Variants in RP1 observed in about 807,000 individuals in gnomAD.
The protein encoded by RP1 is oxygen-regulated protein 1.
In RP1, 16 loss-of-function variants were observed where a neutral mutation model predicts 14.8. That is an observed-to-expected ratio of 1.08 (90% confidence interval 0.73 to 1.65). The LOEUF (loss-of-function observed/expected upper bound fraction) is 1.65, where lower values mean the gene tolerates loss of function less well. Ranked by LOEUF, RP1 falls within the 40% of genes most tolerant of loss-of-function variation. The pLI, the probability that RP1 is intolerant of heterozygous loss-of-function variation, is 0.00. For missense variants in RP1, 2,631 were observed against 2,535.0 expected, an observed-to-expected ratio of 1.04 and a Z score of -0.81; for synonymous variants, 876 against 883.6, an observed-to-expected ratio of 0.99 and a Z score of 0.15.
At chr8:54,726,775 G>A (rs1380309095) in intron 17 of RP1, among the ~76,000 whole-genome samples, 4 of 144,872 alleles carry the variant, frequency 2.8e-5, no homozygotes, top group African/African-American at 1.1e-4. Context: ...AATATTTTAT[G>A]AATATATTTT....
intron 1 of RP1, among the ~76,000 whole-genome samples, chr8:54,581,724 T>C (rs1424002580): frequency 6.6e-6 from 1 of 152,220 alleles, no homozygotes; most frequent in Non-Finnish European, 1.5e-5. Context: ...GGTATCTCAT[T>C]GTGCTTTTGA....
At chr8:54,785,781 T>C (rs1810304379) in intron 24 of RP1, among the ~76,000 whole-genome samples, 1 of 152,110 alleles carries the variant, frequency 6.6e-6, no homozygotes, top group South Asian at 2.1e-4. Flanking sequence ...CCTTAATGAC[T>C]AATGATGTTG....
intron 12 of RP1, among the ~76,000 whole-genome samples, chr8:54,690,315 T>A (rs1039258677): frequency 1.2e-4 from 18 of 152,088 alleles, no homozygotes; most frequent in African/African-American, 3.4e-4. Flanking sequence ...TTCTCTGTAC[T>A]TGGTTCTAAT....
At chr8:54,676,933 A>G (rs1488739625) in intron 8 of RP1, among the ~76,000 whole-genome samples, 1 of 152,098 alleles carries the variant, frequency 6.6e-6, no homozygotes, top group Non-Finnish European at 1.5e-5. Context: ...AAATTAAATA[A>G]CATTTTGGAG....
intron 1 of RP1, among the ~76,000 whole-genome samples, chr8:54,575,703 A>G (rs1291341378): frequency 6.6e-6 from 1 of 152,114 alleles, no homozygotes; most frequent in African/African-American, 2.4e-5. Context: ...AACTTGTGTC[A>G]TGGATTTGTG....
At chr8:54,687,348 A>G (rs1807589620) in intron 12 of RP1, among the ~76,000 whole-genome samples, 1 of 152,140 alleles carries the variant, frequency 6.6e-6, no homozygotes, top group Admixed American at 6.6e-5. Context: ...TCGGGGATAC[A>G]TGTGCAGAAC....
chr8:54,585,816 C>T (rs1008369316), intron 1 of RP1, among the ~76,000 whole-genome samples: 7 of 151,692 alleles, frequency 4.6e-5, no homozygotes, highest in African/African-American at 1.2e-4. Context: ...GCATTCATCA[C>T]GTAGTTCTCG....
intron 12 of RP1, among the ~76,000 whole-genome samples, chr8:54,689,714 G>A (rs1053034060): frequency 3.9e-5 from 6 of 152,024 alleles, no homozygotes; most frequent in African/African-American, 1.2e-4. Flanking sequence ...TGGAAAGTAA[G>A]GCTAAGGTTT....
At position 54,674,394 on chromosome 8, in the gene RP1, C is replaced by T. The variant is rs147939137; in HGVS notation, c.1402+466C>T. On this transcript the variant is annotated intron_variant, in intron 8 of 22. Coordinates refer to the RP1 transcript ENST00000636932. ...TCATGCTTTTCCTCAGTCTTCTCATCAACTCTGTGAGATGACTCACATCTT... is the reference window on the plus strand; with the variant it reads ...TCATGCTTTTCCTCAGTCTTCTCATTAACTCTGTGAGATGACTCACATCTT... 1.6e-3 allele frequency among the ~76,000 whole-genome samples: 246 copies of T among 151,830 alleles called. 2 individuals carry two copies. The highest frequency in any genetic ancestry group is 5.6e-3 in the African/African-American group (232 of 41,402).
intron 1 of RP1, among the ~76,000 whole-genome samples, chr8:54,582,224 T>C (rs1211446313): frequency 2.0e-5 from 3 of 151,872 alleles, no homozygotes; most frequent in Non-Finnish European, 2.9e-5. Flanking sequence ...TACATATGGC[T>C]AGCCAGTTTT....
chr8:54,602,881 G>A (rs971628518), intron 1 of RP1, among the ~76,000 whole-genome samples: 43 of 152,238 alleles, frequency 2.8e-4, no homozygotes, highest in African/African-American at 1.0e-3. Context: ...TGTTGATGGG[G>A]TTGTTTGTTT....
chr8:54,599,766 T>C (rs1585538705), intron 1 of RP1, among the ~76,000 whole-genome samples: 1 of 152,336 alleles, frequency 6.6e-6, no homozygotes, highest in African/African-American at 2.4e-5. Flanking sequence ...ATGTCTTTTG[T>C]CATTCAAGTT....
chr8:54,633,735 C>CTATA (rs1348966106), downstream of RP1, among the ~76,000 whole-genome samples: 334 of 126,444 alleles, frequency 2.6e-3, 1 homozygote, highest in Admixed American at 7.5e-3. Flanking sequence ...CTCTCTCTCT[C>CTATA]TCTATATATA....
intron 24 of RP1, among the ~76,000 whole-genome samples, chr8:54,822,007 CCAT>C (rs1429655828): frequency 1.3e-5 from 2 of 152,120 alleles, no homozygotes; most frequent in Non-Finnish European, 2.9e-5. Context: ...GCTGCAAAGA[CCAT>C]CATCATAATA....
chr8:54,723,514 A>G (rs1303249661), intron 16 of RP1, among the ~76,000 whole-genome samples: 2 of 151,726 alleles, frequency 1.3e-5, no homozygotes, highest in Admixed American at 1.3e-4. Context: ...GTGCAGTAAA[A>G]CCTCTTCACT....
intron 15 of RP1, among the ~76,000 whole-genome samples, chr8:54,708,773 C>A (rs986993275): frequency 1.3e-5 from 2 of 151,204 alleles, no homozygotes; most frequent in African/African-American, 2.4e-5. Context: ...GAGTAAACTT[C>A]CTCTGTAAGT....
intron 15 of RP1, among the ~76,000 whole-genome samples, chr8:54,711,369 A>G (rs1444182566): frequency 6.6e-6 from 1 of 152,144 alleles, no homozygotes; most frequent in African/African-American, 2.4e-5. Flanking sequence ...AGATTATTGC[A>G]TTGGAAAGTT....
rs150165023 is a variant in RP1, at chr8:54,640,369, T to G, written c.788-8616T>G. Among the ~76,000 whole-genome samples the G allele has an allele frequency of 2.2e-3, 339 of 152,320 alleles. 1 individual carries two copies. Among genetic ancestry groups the G allele is most frequent in the African/African-American group, 7.5e-3 (313 of 41,572 alleles). ...AATATACCATCTTGATTACTGTAGC[T>G]TTATAGTAAGCCTTGAAACCAGATA... On this transcript the variant is annotated intron_variant, in intron 3 of 22. Transcript: ENST00000636932.
At chr8:54,808,060 C>A (rs964927362) in intron 24 of RP1, among the ~76,000 whole-genome samples, 3 of 152,128 alleles carry the variant, frequency 2.0e-5, no homozygotes, top group African/African-American at 7.2e-5. Flanking sequence ...GTCAAGTAAC[C>A]ACATGCAATA....
Sources: allele counts gnomAD v4.1 joint callset (sites outside exome capture counted in the v4.1 genomes callset), GRCh38; gene constraint gnomAD v4.1.1; transcripts MANE v1.5; gene names NCBI Gene and HGNC (gene_info 2026-07-23, HGNC 2026-07-21).